HMGCL: variants seen among roughly 807,000 people sequenced by gnomAD.
HMGCL encodes the protein 3-hydroxy-3-methylglutaryl-CoA lyase, also known as hydroxymethylglutaryl-CoA lyase, mitochondrial.
A neutral mutation model predicts 37.3 loss-of-function variants in HMGCL; 26 were observed. That is an observed-to-expected ratio of 0.70 (90% CI 0.51 to 0.97). The LOEUF is 0.97. HMGCL is among the 50% of genes least tolerant of loss of function. The probability of loss-of-function intolerance (pLI) is 0.00; values close to 1 mark genes in which losing one functional copy is unlikely to be tolerated. For synonymous variants in HMGCL, 151 were observed against 148.0 expected, an observed-to-expected ratio of 1.02 and a Z score of -0.15; for missense variants, 379 against 398.1, an observed-to-expected ratio of 0.95 and a Z score of 0.41.
At chr1:23,807,140 T>TGC (rs780771532) in intron 7 of HMGCL, 1 of 519,040 alleles carries the variant, frequency 1.9e-6, no homozygotes, top group Non-Finnish European at 3.8e-6. Flanking sequence ...GATGAAGTTT[T>TGC]GCCTCAGACT....
intron 1 of HMGCL, among the ~76,000 whole-genome samples, chr1:23,822,859 T>C (rs754103113): frequency 2.0e-5 from 3 of 152,074 alleles, no homozygotes; most frequent in Admixed American, 6.6e-5. Context: ...TAAATAACAG[T>C]TGAGTGTTGC....
intron 2 of HMGCL, among the ~76,000 whole-genome samples, chr1:23,818,647 G>C (rs973024644): frequency 1.3e-5 from 2 of 151,874 alleles, no homozygotes; most frequent in African/African-American, 2.4e-5. Flanking sequence ...CGCCTTCCGG[G>C]TTCAAGCGAT....
At chr1:23,804,229 G>T in intron 8 of HMGCL, 171 bp downstream of exon 8, 1 of 746,342 alleles carries the variant, frequency 1.3e-6, no homozygotes, top group Non-Finnish European at 2.3e-6. Context: ...TCCTGCCTCA[G>T]CCTCCCAAAG....
rs1638575413 is a variant in HMGCL at position 23,814,311 on chromosome 1, TGA to T, written c.374_375del (p.Val125AspfsTer26). 1.9e-6 allele frequency: 3 copies of T among 1,613,738 alleles called. No individual in the cohort carries two copies. Among genetic ancestry groups the T allele is most frequent in the Middle Eastern group, 1.7e-4 (1 of 5,906 alleles). On this transcript the variant is annotated frameshift_variant, in exon 5 of 9. Coordinates refer to ENST00000374490, the MANE Select transcript of HMGCL (RefSeq NM_000191.3). LOFTEE classifies it high-confidence loss of function. ...AAGAGCTCTGAGGCAGCTCCAAAGA[TGA>T]CTACTTCCTTGGCTCCAGCAGCAAC... Reference protein sequence around the residue: ...AAVAAGAKEVVIFGAASELFT... With the variant: ...AAVAAGAKEVXIFGAASELFT...
chr1:23,808,114 T>C, intron 7 of HMGCL, 21 bp downstream of exon 7: 2 of 1,608,334 alleles, frequency 1.2e-6, no homozygotes, highest in Non-Finnish European at 1.7e-6. Context: ...TTTGGGAGAA[T>C]GGGCATATGC....
At chr1:23,809,090 G>A (rs1638468209) in intron 6 of HMGCL, among the ~76,000 whole-genome samples, 1 of 150,902 alleles carries the variant, frequency 6.6e-6, no homozygotes, top group African/African-American at 2.4e-5. Flanking sequence ...ATTTTTAGTA[G>A]AGACGGAGTT....
intron 7 of HMGCL, chr1:23,807,109 G>C (rs747200058): frequency 3.9e-6 from 2 of 519,050 alleles, no homozygotes; most frequent in Admixed American, 3.9e-5. Context: ...AGAGGAGCAG[G>C]AGTGTCCTGA....
In HMGCL at chr1:23,806,120, T is replaced by C. The variant is rs991394892; in HGVS notation, c.751-1595A>G. 3.9e-5 allele frequency among the ~76,000 whole-genome samples: 6 copies of C among 151,998 alleles called. No individual in the cohort carries two copies. Among genetic ancestry groups the C allele is most frequent in the African/African-American group, 1.2e-4 (5 of 41,358 alleles). On this transcript the variant is annotated intron_variant, in intron 7 of 8. Transcript: ENST00000374490. The surrounding 1 kb of genome is among the most constrained non-coding windows in gnomAD (Gnocchi z 4.0). ...GCTCACGCCACCACGCCCAGCTAAT[T>C]TTTATATTTTTAGTTGAGACAGGGT...
rs1557487086 is a variant in HMGCL, at chr1:23,806,920, T to C, written c.750+1215A>G. 3 of 517,036 alleles carry C rather than the reference T, an allele frequency of 5.8e-6. No homozygotes were observed. Among genetic ancestry groups the C allele is most frequent in the Non-Finnish European group, 3.9e-6 (1 of 259,034 alleles). 32.0% of individuals were successfully genotyped at this position (517,036 alleles called of 1,614,324 possible). A position where few individuals can be genotyped will look rare whatever the true frequency, so the allele number is the denominator to read the frequency against. On this transcript the variant is annotated intron_variant, in intron 7 of 8. Coordinates refer to ENST00000374490, the MANE Select transcript of HMGCL (RefSeq NM_000191.3). This position sits in a 1 kb window ranked among gnomAD's most constrained non-coding sequence, Gnocchi z 4.0. ...GCTCCCAGAGGGCAGGGATTGGGTC[T>C]TGTTACCATTGTCTAAGTCAGCACT...
At chr1:23,823,602 C>A (rs975511843) in intron 1 of HMGCL, among the ~76,000 whole-genome samples, 2 of 152,150 alleles carry the variant, frequency 1.3e-5, no homozygotes, top group African/African-American at 4.8e-5. Flanking sequence ...ATCCACCCAC[C>A]TCAGCCTCCC....
Position 23,802,546 on chromosome 1 carries a change from G to A in HMGCL, c.895C>T (p.Leu299Phe). The A allele has an allele frequency of 6.2e-7, 1 of 1,613,614 alleles. No homozygotes were observed. The highest frequency in any genetic ancestry group is 8.5e-7 in the Non-Finnish European group (1 of 1,179,512). Residue 299 changes from leucine (L) to phenylalanine (F), a missense_variant, in exon 9 of 9, where the codon CTT becomes TTT. Leu to Phe is a conservative substitution (Grantham distance 22). Transcript: ENST00000374490. ...GIHTGVNLQK[L>F]LEAGNFICQA... ...CAGATAAAGTTTCCAGCTTCCAGAA[G>A]CTTCTGGAGATTCACACCCTTTGAG...
At chr1:23,805,033 C>G (rs963183402) in intron 7 of HMGCL, among the ~76,000 whole-genome samples, 2 of 152,174 alleles carry the variant, frequency 1.3e-5, no homozygotes, top group Middle Eastern at 3.4e-3. Context: ...TCTATCACCC[C>G]CTTCCCCATC....
Position 23,802,608 on chromosome 1 carries a change from C to G in HMGCL, c.877-44G>C, listed in dbSNP as rs372111905. On this transcript the variant is annotated intron_variant, in intron 8 of 8. Coordinates refer to ENST00000374490, the MANE Select transcript of HMGCL (RefSeq NM_000191.3). ...AGGATGCGGTAAGTCATGGTATGCCCTCAACACCAGGGAAAACATCAGCAT... is the reference window on the plus strand; with the variant it reads ...AGGATGCGGTAAGTCATGGTATGCCGTCAACACCAGGGAAAACATCAGCAT... The G allele has an allele frequency of 3.6e-5, 44 of 1,213,398 alleles. No homozygotes were observed. In the African/African-American group the frequency reaches 5.7e-4, roughly 16 times the overall value. The allele number at this position is 1,213,398 out of a possible 1,614,324, so 75.2% of individuals were successfully genotyped here. A position where few individuals can be genotyped will look rare whatever the true frequency, so the allele number is the denominator to read the frequency against.
intron 2 of HMGCL, among the ~76,000 whole-genome samples, chr1:23,818,384 G>A (rs748767684): frequency 6.6e-6 from 1 of 152,160 alleles, no homozygotes; most frequent in Non-Finnish European, 1.5e-5. Context: ...AGCCTGGGAA[G>A]TCGAGGCTGC....
intron 3 of HMGCL, 56 bp from the exon 4 acceptor site, chr1:23,816,826 G>A (rs570898233): frequency 6.5e-6 from 7 of 1,078,674 alleles, no homozygotes; most frequent in Middle Eastern, 2.0e-4. Context: ...AGAGAGTTCA[G>A]TTAGAGAAAA....
At chr1:23,810,854 G>A in intron 5 of HMGCL, 55 bp from the exon 6 acceptor site, 1 of 1,434,440 alleles carries the variant, frequency 7.0e-7, no homozygotes, top group African/African-American at 1.4e-5. Context: ...TTGGCTAGCA[G>A]AACTGAGGCA....
At chr1:23,810,244 T>G in intron 6 of HMGCL, 1 of 183,800 alleles carries the variant, frequency 5.4e-6, no homozygotes, top group Non-Finnish European at 1.2e-5. Flanking sequence ...GCAAGTTATT[T>G]AGTGTCAGTT....
At chr1:23,814,105 T>C in intron 5 of HMGCL, 85 bp downstream of exon 5, 6 of 1,477,542 alleles carry the variant, frequency 4.1e-6, no homozygotes, top group Non-Finnish European at 5.7e-6. Context: ...GATAAGAAGT[T>C]TGTGGCAGGA....
chr1:23,817,435 C>T lies in HMGCL; in HGVS notation c.252+41G>A, dbSNP rs528406367. ...CTTCAAAGGCAAATGCAAAACTTTT[C>T]ATCCCTAGAGAAAGGCCTTTCATTG... On this transcript the variant is annotated intron_variant, in intron 3 of 8. Transcript: ENST00000374490. 5.9e-5 allele frequency: 71 copies of T among 1,200,750 alleles called. No homozygotes were observed. In the South Asian group the frequency reaches 8.6e-4, roughly 15 times the overall value. The allele number at this position is 1,200,750 out of a possible 1,614,324, so 74.4% of individuals were successfully genotyped here.
Sources: gnomAD v4.1 joint callset for allele counts (sites outside exome capture counted in the v4.1 genomes callset) on GRCh38, gnomAD v4.1.1 for gene constraint, Gnocchi (gnomAD v3.1) non-coding constraint, MANE v1.5 for transcripts, NCBI Gene and HGNC (gene_info 2026-07-23, HGNC 2026-07-21) for gene names.